TRAFD1: variants seen among roughly 807,000 people sequenced by gnomAD.
TRAFD1 encodes the protein TRAF-type zinc finger domain containing 1, also known as TRAF-type zinc finger domain-containing protein 1.
TRAFD1 carries 38 observed loss-of-function variants against 65.3 expected under a neutral mutation model. The ratio of observed to expected loss-of-function variants is 0.58; its 90% CI spans 0.45 to 0.76. The LOEUF is 0.76. Ranked by LOEUF, TRAFD1 falls within the 30% of genes least tolerant of loss-of-function variation. The probability of loss-of-function intolerance (pLI) is 0.00; values close to 1 mark genes in which losing one functional copy is unlikely to be tolerated. For synonymous variants in TRAFD1, 223 were observed against 257.2 expected, an observed-to-expected ratio of 0.87 and a Z score of 1.27; for missense variants, 631 against 712.6, an observed-to-expected ratio of 0.89 and a Z score of 1.30.
chr12:112,149,649 G>T, intron 8 of TRAFD1, 102 bp from the exon 9 acceptor site: 2 of 1,497,498 alleles, frequency 1.3e-6, no homozygotes, highest in Admixed American at 2.0e-5. Context: ...GGTTGTCAAA[G>T]TCCCCCTCCA....
At chr12:112,151,779 T>C in intron 9 of TRAFD1, 22 bp from the exon 10 acceptor site, 1 of 1,600,938 alleles carries the variant, frequency 6.2e-7, no homozygotes, top group Non-Finnish European at 8.5e-7. Context: ...TTCCTAAAGC[T>C]GTTACCATTT....
chr12:112,142,071 T>G lies in TRAFD1; in HGVS notation c.644-18T>G. 1 of 1,610,856 alleles carries G rather than the reference T, an allele frequency of 6.2e-7. No individual in the cohort carries two copies. On this transcript the variant is annotated intron_variant, in intron 5 of 11. Transcript: ENST00000412615. ...ATTTCTAATGTATCCTGAATGTTGG[T>G]TGGTTTTTTTTTTTCAGTTGAAGAA...
chr12:112,139,640 C>T (rs1473972800), intron 4 of TRAFD1, among the ~76,000 whole-genome samples: 2 of 152,114 alleles, frequency 1.3e-5, no homozygotes, highest in Non-Finnish European at 2.9e-5. Context: ...TCAGGCTGGT[C>T]TTGAACTCCT....
chr12:112,152,732 C>T lies in TRAFD1; in HGVS notation c.1693-3C>T, dbSNP rs1337614993. 2 of 1,614,030 alleles carry T rather than the reference C, an allele frequency of 1.2e-6. No individual in the cohort carries two copies. Among genetic ancestry groups the T allele is most frequent in the Admixed American group, 3.3e-5 (2 of 59,990 alleles). ...GCTTCGTTTGTGTTGTGTTGTTCAC[C>T]AGGCAAAGCCTTCCAAGCAACAGGG... On this transcript the variant is annotated splice_region_variant and splice_polypyrimidine_tract_variant and intron_variant, in intron 11 of 11. Transcript: ENST00000412615. This position sits in a 1 kb window ranked among gnomAD's most constrained non-coding sequence, Gnocchi z 5.0.
chr12:112,129,031 A>G (rs1448477327), intron 1 of TRAFD1, among the ~76,000 whole-genome samples: 1 of 136,538 alleles, frequency 7.3e-6, no homozygotes, highest in East Asian at 2.1e-4. Context: ...ACTCTGTTTA[A>G]AAAAAAAAAA....
chr12:112,138,135 G>A (rs996844387), intron 4 of TRAFD1, among the ~76,000 whole-genome samples: 2 of 152,044 alleles, frequency 1.3e-5, no homozygotes, highest in East Asian at 1.9e-4. Flanking sequence ...CCAATTGCTC[G>A]AGGGGCTGAG....
intron 8 of TRAFD1, 98 bp downstream of exon 8, chr12:112,148,402 C>T (rs2030314710): frequency 9.5e-7 from 1 of 1,053,268 alleles, no homozygotes; most frequent in African/African-American, 1.6e-5. Context: ...TGCATTCCAT[C>T]CTGACAAGGA....
intron 6 of TRAFD1, among the ~76,000 whole-genome samples, chr12:112,142,758 T>C (rs191455136): frequency 6.6e-5 from 10 of 152,294 alleles, no homozygotes; most frequent in Admixed American, 2.0e-4. Context: ...GCCCTTGTTC[T>C]TCAAAGGCAC....
chr12:112,131,803 A>G (rs4767390), intron 2 of TRAFD1, among the ~76,000 whole-genome samples: 8 of 152,312 alleles, frequency 5.3e-5, no homozygotes, highest in South Asian at 4.1e-4. Flanking sequence ...AAAGAAAAAA[A>G]CCCAGCAGGC....
At position 112,140,891 on chromosome 12, in the gene TRAFD1, G is replaced by A. The variant is rs1295772219; in HGVS notation, c.310G>A (p.Glu104Lys). ...DLELSILKLK[E>K]HEDYCGARTE... ...AGAACTTTCCATTCTCAAACTGAAG[G>A]AACATGAAGATTATTGTGGTGCCCG... Residue 104 changes from glutamate to lysine, a missense_variant, in exon 5 of 12, where the codon GAA becomes AAA. Physicochemically the swap from Glu to Lys is moderately conservative, Grantham distance 56. Coordinates refer to ENST00000412615, the MANE Select transcript of TRAFD1 (RefSeq NM_006700.3). 1 of 1,614,176 alleles carries A rather than the reference G, an allele frequency of 6.2e-7. No homozygotes were observed. Among genetic ancestry groups the A allele is most frequent in the South Asian group, 1.1e-5 (1 of 91,076 alleles).
At chr12:112,145,702 A>G (rs1246834581) in intron 7 of TRAFD1, 40 bp downstream of exon 7, 2 of 1,589,228 alleles carry the variant, frequency 1.3e-6, no homozygotes, top group Admixed American at 1.7e-5. Context: ...GTAGGATTGT[A>G]TGCAGGCCAT....
At chr12:112,143,387 C>T (rs989526694) in intron 6 of TRAFD1, among the ~76,000 whole-genome samples, 3 of 151,494 alleles carry the variant, frequency 2.0e-5, no homozygotes, top group Non-Finnish European at 4.4e-5. Flanking sequence ...CCATGCCCGG[C>T]TAATTTTTTG....
In TRAFD1 at chr12:112,152,403, T is replaced by A; in HGVS notation, c.1620-24T>A. ...CTTTGCTCAGGGACACTTCAGGAGCTAGTTTCTAATTGTTTTCTTTCAGTG... is the reference window on the plus strand; with the variant it reads ...CTTTGCTCAGGGACACTTCAGGAGCAAGTTTCTAATTGTTTTCTTTCAGTG... On this transcript the variant is annotated intron_variant, in intron 10 of 11. Coordinates refer to ENST00000412615, the MANE Select transcript of TRAFD1 (RefSeq NM_006700.3). The surrounding 1 kb of genome is among the most constrained non-coding windows in gnomAD (Gnocchi z 5.0). 5 of 1,610,624 alleles carry A rather than the reference T, an allele frequency of 3.1e-6. No individual in the cohort carries two copies. Among genetic ancestry groups the A allele is most frequent in the Non-Finnish European group, 4.2e-6 (5 of 1,179,984 alleles).
At chr12:112,150,611 G>A (rs2030374076) in intron 9 of TRAFD1, among the ~76,000 whole-genome samples, 1 of 151,802 alleles carries the variant, frequency 6.6e-6, no homozygotes, top group Non-Finnish European at 1.5e-5. Context: ...AGGCTGGAGT[G>A]CAGTGGCGTG....
chr12:112,142,085 T>TC lies in TRAFD1; in HGVS notation c.644-3dup, dbSNP rs373642082. On this transcript the variant is annotated splice_polypyrimidine_tract_variant and splice_region_variant and intron_variant, in intron 5 of 11. Coordinates refer to ENST00000412615, the MANE Select transcript of TRAFD1 (RefSeq NM_006700.3). The stretch of plus-strand genomic sequence containing the variant: ...CTGAATGTTGGTTGGTTTTTTTTTT[T>TC]CAGTTGAAGAACAAGAGAGGCAGGA... The TC allele has an allele frequency of 7.4e-6, 12 of 1,611,370 alleles. No individual in the cohort carries two copies. The highest frequency in any genetic ancestry group is 1.0e-5 in the Non-Finnish European group (12 of 1,178,508).
chr12:112,151,613 G>C (rs1448737791), intron 9 of TRAFD1, among the ~76,000 whole-genome samples, 188 bp from the exon 10 acceptor site: 3 of 151,906 alleles, frequency 2.0e-5, no homozygotes, highest in Non-Finnish European at 4.4e-5. Context: ...GGCCAGGCTG[G>C]TCTCTAACTC....
Position 112,144,381 on chromosome 12 carries a change from C to T in TRAFD1, c.851-1205C>T, listed in dbSNP as rs139805737. On this transcript the variant is annotated intron_variant, in intron 6 of 11. Transcript: ENST00000412615. ...GCCTCTGGGGTTCAAGTGATTTCTC[C>T]TGCCTCAGCCTCCAGGGTAGCTGGG... Among the ~76,000 whole-genome samples the T allele has an allele frequency of 3.6e-3, 546 of 152,116 alleles. 4 individuals carry two copies. The highest frequency in any genetic ancestry group is 0.017 in the Middle Eastern group (5 of 294).
intron 2 of TRAFD1, chr12:112,133,031 C>A (rs914721458): frequency 8.5e-5 from 13 of 152,084 alleles, no homozygotes; most frequent in African/African-American, 2.9e-4. Flanking sequence ...AAAAGTAAGG[C>A]CTTTGAATAG....
chr12:112,143,703 A>G (rs887323706), intron 6 of TRAFD1, among the ~76,000 whole-genome samples: 3 of 144,914 alleles, frequency 2.1e-5, no homozygotes, highest in Admixed American at 6.8e-5. Flanking sequence ...CTTTTGTTCC[A>G]TAGTCATATT....
Sources: gnomAD v4.1 joint callset for allele counts (sites outside exome capture counted in the v4.1 genomes callset) on GRCh38, gnomAD v4.1.1 for gene constraint, Gnocchi (gnomAD v3.1) non-coding constraint, MANE v1.5 for transcripts, NCBI Gene and HGNC (gene_info 2026-07-23, HGNC 2026-07-21) for gene names.